The following NCOA2 variants were observed in gnomAD, a reference collection of about 807,000 sequenced individuals.
NCOA2 encodes the protein class E basic helix-loop-helix protein 75.
Under a neutral mutation model 145.1 loss-of-function variants are expected in NCOA2, and 21 were observed. That is an observed-to-expected ratio of 0.14 (90% CI 0.10 to 0.21). The LOEUF (loss-of-function observed/expected upper bound fraction) is 0.21. Ranked by LOEUF, NCOA2 falls within the 10% of genes least tolerant of loss-of-function variation. The probability of loss-of-function intolerance (pLI) is 1.00; values close to 1 mark genes in which losing one functional copy is unlikely to be tolerated. For missense variants in NCOA2, 1,472 were observed against 1,837.6 expected (o/e 0.80, Z 3.64); for synonymous variants, 619 against 637.5 (o/e 0.97, Z 0.44).
intron 2 of NCOA2, among the ~76,000 whole-genome samples, chr8:70,266,645 T>C (rs943167630): frequency 1.3e-5 from 2 of 152,172 alleles, no homozygotes; most frequent in Non-Finnish European, 2.9e-5. Flanking sequence ...TCTCACAGTA[T>C]CTAAATTTTA....
chr8:70,151,865 T>G (rs868755825), intron 11 of NCOA2, among the ~76,000 whole-genome samples: 13 of 152,330 alleles, frequency 8.5e-5, no homozygotes, highest in Middle Eastern at 6.8e-3. Flanking sequence ...CCCCTCAGGT[T>G]AACAGTAACA....
At chr8:70,304,736 C>A (rs1187090412) in intron 1 of NCOA2, among the ~76,000 whole-genome samples, 1 of 151,856 alleles carries the variant, frequency 6.6e-6, no homozygotes, top group Admixed American at 6.6e-5. Flanking sequence ...AGCTCATGAT[C>A]CACCCATCTT....
chr8:70,225,819 T>C (rs779383636), intron 2 of NCOA2, among the ~76,000 whole-genome samples: 33 of 152,206 alleles, frequency 2.2e-4, no homozygotes, highest in Non-Finnish European at 4.7e-4. Flanking sequence ...GTGTCAACTC[T>C]GGCTGGAAAT....
intron 1 of NCOA2, among the ~76,000 whole-genome samples, chr8:70,308,509 A>T (rs1386232140): frequency 1.3e-5 from 2 of 152,068 alleles, no homozygotes; most frequent in Non-Finnish European, 2.9e-5. Flanking sequence ...ATATATATAT[A>T]TAAAACATGT....
At chr8:70,239,039 G>A (rs1821895662) in intron 2 of NCOA2, among the ~76,000 whole-genome samples, 1 of 152,056 alleles carries the variant, frequency 6.6e-6, no homozygotes, top group African/African-American at 2.4e-5. Context: ...CTCTGTATAA[G>A]AAACCACCTT....
chr8:70,175,507 G>A (rs879577482), intron 4 of NCOA2, among the ~76,000 whole-genome samples: 39 of 152,224 alleles, frequency 2.6e-4, no homozygotes, highest in Admixed American at 2.0e-4. Flanking sequence ...GGCGCGTAGC[G>A]TGCGCTCCTG....
At chr8:70,312,683 T>C (rs1214271788) in intron 1 of NCOA2, among the ~76,000 whole-genome samples, 1 of 152,202 alleles carries the variant, frequency 6.6e-6, no homozygotes, top group Non-Finnish European at 1.5e-5. Context: ...TTTTCATCTT[T>C]TCTGAAAAGG....
chr8:70,196,777 T>C (rs17748400), intron 4 of NCOA2, among the ~76,000 whole-genome samples: 18,021 of 152,260 alleles, frequency 0.12, 1,465 homozygotes, highest in Middle Eastern at 0.21. Flanking sequence ...TCTGTCTTAA[T>C]AAACAAAGGC....
intron 13 of NCOA2, among the ~76,000 whole-genome samples, chr8:70,142,422 G>A (rs1359087689): frequency 6.6e-6 from 1 of 152,224 alleles, no homozygotes; most frequent in African/African-American, 2.4e-5. Flanking sequence ...TAAGAGGCCA[G>A]GCGCGGTGGC....
At chr8:70,421,277 A>G in the NCOA2 span, among the ~76,000 whole-genome samples, 1 of 151,956 alleles carries the variant, frequency 6.6e-6, no homozygotes. Flanking sequence ...AAATCTTGAC[A>G]CGGTGGCTCA....
intron 22 of NCOA2, among the ~76,000 whole-genome samples, chr8:70,116,608 G>C (rs957798731): frequency 1.3e-5 from 2 of 152,160 alleles, no homozygotes; most frequent in Non-Finnish European, 2.9e-5. Flanking sequence ...GCTTATTACG[G>C]AAACACGGGA....
intron 1 of NCOA2, among the ~76,000 whole-genome samples, chr8:70,387,149 G>C (rs1161941882): frequency 6.6e-6 from 1 of 152,122 alleles, no homozygotes; most frequent in African/African-American, 2.4e-5. Flanking sequence ...CAAGAAAAAA[G>C]CCTATAAACT....
At chr8:70,456,104 G>GA in the NCOA2 span, among the ~76,000 whole-genome samples, 1 of 151,330 alleles carries the variant, frequency 6.6e-6, no homozygotes, top group African/African-American at 2.4e-5. Flanking sequence ...GCCCGCATCT[G>GA]AAAACAGACC....
rs1256091477 is a variant in NCOA2 at position 70,144,847 on chromosome 8, A to C, written c.2607T>G (p.Thr869=). The part of the protein sequence containing the change: ...QKTALRISQS[T]FNNPRPGQLG... ...GTTGCCCTGGTCGTGGGTTATTAAA[A>C]GCTAAGGAGAAAACAAATGAAAATT... Residue 869 remains threonine (T), a splice_region_variant and synonymous_variant, in exon 13 of 23, where the codon ACT becomes ACG. Coordinates refer to ENST00000452400, the MANE Select transcript of NCOA2 (RefSeq NM_006540.4). 1.2e-6 allele frequency: 2 copies of C among 1,613,476 alleles called. No individual in the cohort carries two copies. Among genetic ancestry groups the C allele is most frequent in the Non-Finnish European group, 1.7e-6 (2 of 1,179,502 alleles).
intron 2 of NCOA2, among the ~76,000 whole-genome samples, chr8:70,293,615 C>T (rs1324198006): frequency 1.3e-5 from 2 of 152,190 alleles, no homozygotes; most frequent in East Asian, 1.9e-4. Flanking sequence ...AATCTTCCAA[C>T]ACAGAGAAAA....
At chr8:70,157,373 G>T in intron 10 of NCOA2, 133 bp from the exon 11 acceptor site, 1 of 854,214 alleles carries the variant, frequency 1.2e-6, no homozygotes, top group Non-Finnish European at 1.7e-6. Flanking sequence ...ATAATACTTT[G>T]TTGAAATCAT....
At chr8:70,270,655 A>C (rs573876263) in intron 2 of NCOA2, among the ~76,000 whole-genome samples, 19 of 152,258 alleles carry the variant, frequency 1.2e-4, no homozygotes, top group Non-Finnish European at 1.9e-4. Flanking sequence ...AAAAGTAAAA[A>C]ACCATAAAAA....
chr8:70,441,293 AAAAG>A, the NCOA2 span, among the ~76,000 whole-genome samples: 4 of 150,554 alleles, frequency 2.7e-5, no homozygotes, highest in African/African-American at 7.3e-5. Context: ...AAAAAGGAAG[AAAAG>A]AAAGAAAAGA....
At chr8:70,326,824 T>C (rs1309290460) in intron 1 of NCOA2, among the ~76,000 whole-genome samples, 1 of 152,210 alleles carries the variant, frequency 6.6e-6, no homozygotes, top group East Asian at 1.9e-4. Context: ...TTTTAGCCTT[T>C]GAAGTATTGG....
Sources: allele counts gnomAD v4.1 joint callset (sites outside exome capture counted in the v4.1 genomes callset), GRCh38; gene constraint gnomAD v4.1.1; transcripts MANE v1.5; gene names NCBI Gene and HGNC (gene_info 2026-07-23, HGNC 2026-07-21).